Variants in CTNNA3 observed in about 807,000 individuals in gnomAD.
CTNNA3 encodes the protein catenin alpha-3.
CTNNA3 carries 76 observed loss-of-function variants against 95.7 expected under a neutral mutation model. The ratio of observed to expected loss-of-function variants is 0.79; its 90% confidence interval spans 0.66 to 0.96. CTNNA3 has a LOEUF of 0.96. Ranked by LOEUF, CTNNA3 falls within the 40% of genes least tolerant of loss-of-function variation. CTNNA3 has a pLI of 0.00. For missense variants in CTNNA3, 1,191 were observed against 1,089.8 expected, an observed-to-expected ratio of 1.09 and a Z score of -1.31; for synonymous variants, 431 against 374.4, an observed-to-expected ratio of 1.15 and a Z score of -1.74.
At chr10:66,263,927 C>T (rs905780336) in intron 13 of CTNNA3, among the ~76,000 whole-genome samples, 3 of 151,800 alleles carry the variant, frequency 2.0e-5, no homozygotes, top group Admixed American at 6.6e-5. Context: ...CTGAGACAGC[C>T]GTTTCTCGGT....
intron 13 of CTNNA3, among the ~76,000 whole-genome samples, chr10:66,144,522 G>A (rs1487367662): frequency 2.7e-5 from 4 of 150,930 alleles, no homozygotes; most frequent in African/African-American, 7.3e-5. Context: ...AGTTTCGCTC[G>A]TGTTGCCCAG....
chr10:67,666,050 C>T (rs555345692), intron 1 of CTNNA3, among the ~76,000 whole-genome samples: 2 of 152,254 alleles, frequency 1.3e-5, no homozygotes, highest in South Asian at 4.1e-4. Flanking sequence ...AGGCTATCCA[C>T]AGAAAAGCCA....
At chr10:67,451,030 G>A (rs1846959952) in intron 5 of CTNNA3, among the ~76,000 whole-genome samples, 1 of 152,068 alleles carries the variant, frequency 6.6e-6, no homozygotes, top group South Asian at 2.1e-4. Flanking sequence ...CCTTTATGAG[G>A]TAATTAGGCC....
chr10:67,480,852 G>A (rs1848194360), intron 5 of CTNNA3, among the ~76,000 whole-genome samples: 1 of 152,052 alleles, frequency 6.6e-6, no homozygotes, highest in South Asian at 2.1e-4. Flanking sequence ...GACCAAGCTG[G>A]TCTTGGCAAC....
At chr10:66,889,974 A>T (rs987806328) in intron 7 of CTNNA3, among the ~76,000 whole-genome samples, 10 of 152,060 alleles carry the variant, frequency 6.6e-5, no homozygotes, top group African/African-American at 2.4e-4. Context: ...TATTTTTAGT[A>T]GAAATGGGGT....
chr10:67,577,699 C>CAT (rs765885122), intron 3 of CTNNA3, among the ~76,000 whole-genome samples: 1 of 127,910 alleles, frequency 7.8e-6, no homozygotes, highest in African/African-American at 3.7e-5. Flanking sequence ...TATATACACA[C>CAT]ATATGTGTGT....
chr10:66,731,598 A>T (rs956545693), intron 9 of CTNNA3, among the ~76,000 whole-genome samples: 10 of 152,198 alleles, frequency 6.6e-5, no homozygotes, highest in African/African-American at 2.4e-4. Flanking sequence ...CTTCAAATTT[A>T]TATGAATATT....
intron 2 of CTNNA3, among the ~76,000 whole-genome samples, chr10:67,620,921 G>GTATATATATATATATA (rs1272442858): frequency 2.1e-5 from 2 of 94,856 alleles, no homozygotes; most frequent in African/African-American, 4.6e-5. Flanking sequence ...GTGTGTGTGT[G>GTATATATATATATATA]TGTATATATA....
At chr10:67,303,485 G>A (rs1007127089) in intron 5 of CTNNA3, among the ~76,000 whole-genome samples, 2 of 152,176 alleles carry the variant, frequency 1.3e-5, no homozygotes, top group Non-Finnish European at 1.5e-5. Flanking sequence ...AGGAGATCCG[G>A]CATGCAGGCC....
chr10:66,455,024 A>T (rs1284555581), intron 11 of CTNNA3, among the ~76,000 whole-genome samples: 2 of 136,576 alleles, frequency 1.5e-5, no homozygotes, highest in Non-Finnish European at 3.1e-5. Flanking sequence ...TGTAATAATT[A>T]TTTCTTTTTT....
intron 1 of CTNNA3, among the ~76,000 whole-genome samples, chr10:67,755,819 A>AAAAAAAAAG (rs1554881122): frequency 3.4e-5 from 5 of 145,148 alleles, no homozygotes; most frequent in African/African-American, 5.2e-5. Context: ...AAAAAAAAAA[A>AAAAAAAAAG]AAAGAAAGAA....
chr10:66,561,112 G>T (rs1023170938), intron 10 of CTNNA3, among the ~76,000 whole-genome samples: 9 of 151,940 alleles, frequency 5.9e-5, no homozygotes, highest in Non-Finnish European at 1.0e-4. Context: ...TCAAGAAAAA[G>T]AAAATACCAG....
At chr10:66,206,045 T>C (rs577842857) in intron 13 of CTNNA3, among the ~76,000 whole-genome samples, 2 of 152,024 alleles carry the variant, frequency 1.3e-5, no homozygotes, top group Admixed American at 1.3e-4. Context: ...ATTTAGTGGA[T>C]ATACTCAATT....
At chr10:67,237,128 A>ATG (rs1865511809) in intron 5 of CTNNA3, among the ~76,000 whole-genome samples, 1 of 21,274 alleles carries the variant, frequency 4.7e-5, no homozygotes, top group African/African-American at 4.7e-4. Context: ...TGGTGTATGT[A>ATG]TATATATATA....
In CTNNA3 at chr10:66,397,442, C is replaced by T. The variant is rs77991359; in HGVS notation, c.1532-18090G>A. Among the ~76,000 whole-genome samples, 1,506 of 151,764 alleles carry T rather than the reference C, an allele frequency of 9.9e-3. 16 individuals are homozygous for T. Among genetic ancestry groups the T allele is most frequent in the African/African-American group, 0.032 (1,337 of 41,480 alleles). On this transcript the variant is annotated intron_variant, in intron 11 of 17. Coordinates refer to ENST00000433211, the MANE Select transcript of CTNNA3 (RefSeq NM_013266.4). Reference sequence around the variant, plus strand: ...TTGTTTTCCTCTCTCTCTTTGCCCACCAAATGATAGTAATTCCAAACTAAT... The same window carrying T: ...TTGTTTTCCTCTCTCTCTTTGCCCATCAAATGATAGTAATTCCAAACTAAT...
intron 6 of CTNNA3, among the ~76,000 whole-genome samples, chr10:67,192,817 C>T (rs1863178463): frequency 1.3e-5 from 2 of 151,858 alleles, no homozygotes; most frequent in South Asian, 4.2e-4. Context: ...CCATCATTAT[C>T]ACAATAGCCA....
chr10:66,662,760 T>C (rs1589089778), intron 9 of CTNNA3, among the ~76,000 whole-genome samples: 1 of 151,912 alleles, frequency 6.6e-6, no homozygotes, highest in African/African-American at 2.4e-5. Context: ...CATTCAATCA[T>C]GTAGCAATAT....
chr10:66,072,585 T>C (rs530363789), intron 14 of CTNNA3, among the ~76,000 whole-genome samples: 27 of 152,010 alleles, frequency 1.8e-4, no homozygotes, highest in Middle Eastern at 3.4e-3. Flanking sequence ...GCTGGGACTA[T>C]AGGCGCCCAC....
chr10:67,226,740 A>G (rs771749238), intron 5 of CTNNA3, among the ~76,000 whole-genome samples: 10 of 152,236 alleles, frequency 6.6e-5, no homozygotes, highest in African/African-American at 1.2e-4. Context: ...AAACCTTGAA[A>G]CAAATCCTAG....
Sources: gnomAD v4.1 joint callset for allele counts (sites outside exome capture counted in the v4.1 genomes callset) on GRCh38, gnomAD v4.1.1 for gene constraint, MANE v1.5 for transcripts, NCBI Gene and HGNC (gene_info 2026-07-23, HGNC 2026-07-21) for gene names.